Variants in ERLIN2 observed in about 807,000 individuals in gnomAD.
ERLIN2 encodes erlin-2.
ERLIN2 carries 22 observed loss-of-function variants against 41.5 expected under a neutral mutation model. The observed-to-expected ratio is 0.53, with a 90% CI of 0.38 to 0.76. ERLIN2 has a LOEUF of 0.76. ERLIN2 is among the 30% of genes least tolerant of loss of function. The probability of loss-of-function intolerance (pLI) is 0.00; values close to 1 mark genes in which losing one functional copy is unlikely to be tolerated. For missense variants in ERLIN2, 247 were observed against 414.3 expected (o/e 0.60, Z 3.51); for synonymous variants, 149 against 150.9 (o/e 0.99, Z 0.09).
intron 6 of ERLIN2, chr8:37,747,576 C>A: frequency 1.2e-6 from 2 of 1,612,428 alleles, no homozygotes; most frequent in Non-Finnish European, 1.7e-6. Flanking sequence ...GTTTGGTCAT[C>A]ATCACCTTCT....
At position 37,748,070 on chromosome 8, in the gene ERLIN2, G is replaced by A. The variant is rs144079967; in HGVS notation, c.425-1489G>A. ...GGGTCGCGCCGAAATGACGTCACGAGCGCGCCTTGCGCCTTTTCCCTGCGG... is the reference window on the plus strand; with the variant it reads ...GGGTCGCGCCGAAATGACGTCACGAACGCGCCTTGCGCCTTTTCCCTGCGG... On this transcript the variant is annotated intron_variant, in intron 6 of 11. Coordinates refer to ENST00000519638, the MANE Select transcript of ERLIN2 (RefSeq NM_007175.8). 1.1e-5 allele frequency: 14 copies of A among 1,315,520 alleles called. No homozygotes were observed. In the African/African-American group the frequency reaches 1.6e-4, roughly 15 times the overall value. 81.5% of individuals were successfully genotyped at this position (1,315,520 alleles called of 1,614,324 possible). A position where few individuals can be genotyped will look rare whatever the true frequency, so the allele number is the denominator to read the frequency against.
chr8:37,747,945 A>G (rs2129701673), intron 6 of ERLIN2: 1 of 1,614,222 alleles, frequency 6.2e-7, no homozygotes, highest in Non-Finnish European at 8.5e-7. Context: ...CGCCGTCGTC[A>G]TATTCCTCCC....
rs940749995 is a variant in ERLIN2 at position 37,757,466 on chromosome 8, T to A, written c.*3351T>A. 1.9e-4 allele frequency: 29 copies of A among 152,208 alleles called. No homozygotes were observed. The highest frequency in any genetic ancestry group is 6.5e-4 in the African/African-American group (27 of 41,456). The allele number at this position is 152,208 out of a possible 1,614,324, so 9.4% of individuals were successfully genotyped here. A position where few individuals can be genotyped will look rare whatever the true frequency, so the allele number is the denominator to read the frequency against. ...CTGATGATTAAGTAGGCAAACTACT[T>A]CTACTTTCAAAGAGCCCCAAGGGCT... On this transcript the variant is annotated 3_prime_UTR_variant, in exon 12 of 12. Transcript: ENST00000519638.
chr8:37,746,601 A>G (rs761976619), intron 6 of ERLIN2: 12 of 867,620 alleles, frequency 1.4e-5, no homozygotes, highest in African/African-American at 3.6e-5. Flanking sequence ...TATCCCTCCT[A>G]TGTATCCATG....
At chr8:37,750,248 C>G in intron 8 of ERLIN2, 147 bp from the exon 9 acceptor site, 1 of 697,464 alleles carries the variant, frequency 1.4e-6, no homozygotes, top group Non-Finnish European at 2.6e-6. Flanking sequence ...AACAACAGAT[C>G]AGCTTTTACC....
chr8:37,738,043 A>C lies in ERLIN2; in HGVS notation c.107+14A>C. ...GGTATATTACAGGTAAGGCAGAGAC[A>C]GGGAGAAGCCGGCAACTTCCTGTTA... is the stretch of plus-strand genomic sequence containing the variant. On this transcript the variant is annotated intron_variant, in intron 2 of 11. Coordinates refer to ENST00000519638, the MANE Select transcript of ERLIN2 (RefSeq NM_007175.8). The C allele has an allele frequency of 6.2e-7, 1 of 1,613,988 alleles. No homozygotes were observed. The highest frequency in any genetic ancestry group is 8.5e-7 in the Non-Finnish European group (1 of 1,179,866).
intron 1 of ERLIN2, 200 bp from the exon 2 acceptor site, chr8:37,737,708 T>C (rs1802700519): frequency 1.7e-6 from 1 of 593,164 alleles, no homozygotes; most frequent in East Asian, 3.1e-5. Context: ...CGGTGGGGGC[T>C]CTAATTTTAC....
chr8:37,738,266 T>G (rs919484045), intron 2 of ERLIN2, among the ~76,000 whole-genome samples: 5 of 152,224 alleles, frequency 3.3e-5, no homozygotes, highest in African/African-American at 1.2e-4. Context: ...GGGTGGTGAT[T>G]AATAAATGTG....
At chr8:37,738,140 T>A in intron 2 of ERLIN2, 111 bp downstream of exon 2, 3 of 1,274,526 alleles carry the variant, frequency 2.4e-6, no homozygotes, top group Non-Finnish European at 3.4e-6. Context: ...TTTCCTTGAA[T>A]AGGGGAGCCT....
chr8:37,751,412 A>G (rs1159023050), intron 9 of ERLIN2, among the ~76,000 whole-genome samples: 1 of 152,162 alleles, frequency 6.6e-6, no homozygotes, highest in Non-Finnish European at 1.5e-5. Context: ...CATGCTTCCT[A>G]TGTTGGGCCC....
chr8:37,740,306 G>C, intron 2 of ERLIN2, 59 bp from the exon 3 acceptor site: 1 of 1,162,708 alleles, frequency 8.6e-7, no homozygotes, highest in Non-Finnish European at 1.3e-6. Context: ...TCATGATATT[G>C]ATCTAACAGA....
chr8:37,745,791 G>A, intron 6 of ERLIN2: 3 of 1,411,532 alleles, frequency 2.1e-6, no homozygotes, highest in African/African-American at 1.4e-5. Context: ...TCTTTTATCT[G>A]TTTTGGATTC....
rs1202139567 is a variant in ERLIN2 at position 37,754,847 on chromosome 8, T to C, written c.*732T>C. On this transcript the variant is annotated 3_prime_UTR_variant, in exon 12 of 12. Coordinates refer to ENST00000519638, the MANE Select transcript of ERLIN2 (RefSeq NM_007175.8). ...TATGCTGTGATTTGTTTTTTTTTTT[T>C]CTTCTCAAAAATTCTGTTCATTGGT... The C allele has an allele frequency of 6.5e-6, 1 of 152,904 alleles. No homozygotes were observed. Among genetic ancestry groups the C allele is most frequent in the South Asian group, 2.1e-4 (1 of 4,842 alleles). 9.5% of individuals were successfully genotyped at this position (152,904 alleles called of 1,614,324 possible).
chr8:37,749,859 ATAC>A lies in ERLIN2; in HGVS notation c.557+8_557+10del, dbSNP rs1563316479. 4.3e-6 allele frequency: 7 copies of A among 1,613,622 alleles called. No individual in the cohort carries two copies. Among genetic ancestry groups the A allele is most frequent in the Non-Finnish European group, 5.9e-6 (7 of 1,179,544 alleles). On this transcript the variant is annotated splice_region_variant and intron_variant, in intron 8 of 11. Coordinates refer to ENST00000519638, the MANE Select transcript of ERLIN2 (RefSeq NM_007175.8). ...GCAGAAACTACGAGTTGATGTGAGT[ATAC>A]CCTCCGCCTGGGCTGTGACCACCAC...
intron 1 of ERLIN2, chr8:37,736,975 G>C: frequency 1.0e-6 from 1 of 985,944 alleles, no homozygotes; most frequent in Non-Finnish European, 1.2e-6. Context: ...AGGAAAGGAC[G>C]CAACTGCAGA....
At position 37,757,958 on chromosome 8, in the gene ERLIN2, T is replaced by G. The variant is rs1467311437; in HGVS notation, c.*3843T>G. 1 of 152,194 alleles carries G rather than the reference T, an allele frequency of 6.6e-6. No homozygotes were observed. The highest frequency in any genetic ancestry group is 2.4e-5 in the African/African-American group (1 of 41,446). 9.4% of individuals were successfully genotyped at this position (152,194 alleles called of 1,614,324 possible). ...ATCAGTTCAGTGGACGAACTCCCAG[T>G]CTTTACTCTGGAAAGCTGCCCAGCT... On this transcript the variant is annotated 3_prime_UTR_variant, in exon 12 of 12. Transcript: ENST00000519638.
chr8:37,744,499 G>A (rs1352510491), intron 5 of ERLIN2, 72 bp from the exon 6 acceptor site: 1 of 1,611,272 alleles, frequency 6.2e-7, no homozygotes, highest in African/African-American at 1.3e-5. Context: ...CCTTGGAAAA[G>A]GAGAGCTGCC....
In ERLIN2 at chr8:37,750,447, G is replaced by C. The variant is rs770126360; in HGVS notation, c.610G>C (p.Glu204Gln). Residue 204 changes from glutamate to glutamine, a missense_variant, in exon 9 of 12, where the codon GAA becomes CAA. Physicochemically the swap from Glu to Gln is conservative, Grantham distance 29. Transcript: ENST00000519638. ...LIAAQKQKVV[E>Q]KEAETERKKA... ...TGCCGCCCAGAAACAGAAGGTGGTG[G>C]AAAAGGAAGCAGAGACAGAGCGGAA... 6.2e-7 allele frequency: 1 copy of C among 1,613,850 alleles called. No individual in the cohort carries two copies. The highest frequency in any genetic ancestry group is 1.1e-5 in the South Asian group (1 of 91,070).
chr8:37,736,812 G>A lies in ERLIN2; in HGVS notation c.-16+134G>A. 4.1e-6 allele frequency: 4 copies of A among 985,982 alleles called. No homozygotes were observed. The South Asian group carries it at 1.9e-4, about 46-fold the overall frequency. The allele number at this position is 985,982 out of a possible 1,614,324, so 61.1% of individuals were successfully genotyped here. On this transcript the variant is annotated intron_variant, in intron 1 of 11. Coordinates refer to ENST00000519638, the MANE Select transcript of ERLIN2 (RefSeq NM_007175.8). ...GCCGGCCCGCTCCTGGAGAGAGACAGAAACCCTTTTCTGTCGCGTCCTCTC... is the reference window on the plus strand; with the variant it reads ...GCCGGCCCGCTCCTGGAGAGAGACAAAAACCCTTTTCTGTCGCGTCCTCTC...
Sources: allele counts gnomAD v4.1 joint callset (sites outside exome capture counted in the v4.1 genomes callset), GRCh38; gene constraint gnomAD v4.1.1; transcripts MANE v1.5; gene names NCBI Gene and HGNC (gene_info 2026-07-23, HGNC 2026-07-21).